Variants in SLC9A2 observed in about 807,000 individuals in gnomAD.
SLC9A2 encodes sodium/hydrogen exchanger 2.
In SLC9A2, 42 loss-of-function variants were observed where a neutral mutation model predicts 71.7. The observed-to-expected ratio is 0.59, with a 90% CI of 0.46 to 0.76. The LOEUF (loss-of-function observed/expected upper bound fraction) is 0.76. Among genes scored for constraint, SLC9A2 ranks in the 30% least tolerant of loss-of-function variants. SLC9A2 has a pLI of 0.00. For missense variants in SLC9A2, 829 were observed against 1,017.4 expected (o/e 0.81, Z 2.52); for synonymous variants, 396 against 392.5 (o/e 1.01, Z -0.10).
intron 1 of SLC9A2, among the ~76,000 whole-genome samples, chr2:102,652,929 G>A (rs1676861709): frequency 6.6e-6 from 1 of 152,154 alleles, no homozygotes; most frequent in South Asian, 2.1e-4. Flanking sequence ...AAATACTTGG[G>A]GGAGGAAAAG....
At chr2:102,695,225 A>C (rs1677733603) in intron 7 of SLC9A2, 112 bp downstream of exon 7, 7 of 726,020 alleles carry the variant, frequency 9.6e-6, no homozygotes, top group Non-Finnish European at 1.4e-5. Flanking sequence ...GTTGTACCAT[A>C]GTATGTCCTC....
intron 7 of SLC9A2, among the ~76,000 whole-genome samples, chr2:102,700,668 C>T (rs1423641738): frequency 2.6e-5 from 4 of 152,096 alleles, no homozygotes; most frequent in Non-Finnish European, 4.4e-5. Context: ...ACAGTGATAA[C>T]GTTTCTGAGC....
intron 1 of SLC9A2, among the ~76,000 whole-genome samples, chr2:102,623,096 C>T (rs1444375433): frequency 6.6e-6 from 1 of 152,124 alleles, no homozygotes; most frequent in East Asian, 1.9e-4. Flanking sequence ...TTCCTGGGCC[C>T]CCTCTGTTCT....
intron 3 of SLC9A2, among the ~76,000 whole-genome samples, chr2:102,680,284 A>G (rs1363808221): frequency 6.6e-6 from 1 of 152,138 alleles, no homozygotes; most frequent in Non-Finnish European, 1.5e-5. Context: ...TTCTTAATCT[A>G]ATCTATTGCC....
At chr2:102,680,287 C>A (rs893866338) in intron 3 of SLC9A2, among the ~76,000 whole-genome samples, 3 of 151,966 alleles carry the variant, frequency 2.0e-5, no homozygotes, top group Non-Finnish European at 4.4e-5. Context: ...TTAATCTAAT[C>A]TATTGCCCTT....
intron 1 of SLC9A2, among the ~76,000 whole-genome samples, chr2:102,628,616 C>T (rs1676298897): frequency 1.3e-5 from 2 of 151,962 alleles, no homozygotes; most frequent in Admixed American, 6.6e-5. Flanking sequence ...ACTCAGCTCT[C>T]GGTATTTTTA....
At chr2:102,671,841 C>T (rs1677258034) in intron 3 of SLC9A2, among the ~76,000 whole-genome samples, 1 of 152,176 alleles carries the variant, frequency 6.6e-6, no homozygotes, top group Admixed American at 6.5e-5. Context: ...TGTGGTGGCT[C>T]ACGCTTGCAA....
chr2:102,628,760 G>T (rs1319185528), intron 1 of SLC9A2, among the ~76,000 whole-genome samples: 1 of 151,940 alleles, frequency 6.6e-6, no homozygotes, highest in Non-Finnish European at 1.5e-5. Flanking sequence ...TGTTGCCTTG[G>T]CCGCTCTCAA....
At chr2:102,702,110 G>T (rs1440682935) in intron 8 of SLC9A2, among the ~76,000 whole-genome samples, 1 of 152,162 alleles carries the variant, frequency 6.6e-6, no homozygotes, top group Non-Finnish European at 1.5e-5. Context: ...TTTATTTATG[G>T]AGTGTTAGAA....
intron 1 of SLC9A2, among the ~76,000 whole-genome samples, chr2:102,631,481 C>T (rs758415141): frequency 1.2e-4 from 19 of 152,010 alleles, no homozygotes; most frequent in Non-Finnish European, 2.6e-4. Context: ...TTCACTGTGA[C>T]TTCAAATCCT....
intron 1 of SLC9A2, among the ~76,000 whole-genome samples, chr2:102,624,023 A>T (rs1316127542): frequency 1.3e-5 from 2 of 152,134 alleles, no homozygotes; most frequent in Non-Finnish European, 2.9e-5. Flanking sequence ...CTTAGCTCTT[A>T]ATTGTTACAC....
chr2:102,632,119 T>TACAC (rs1676378923), intron 1 of SLC9A2, among the ~76,000 whole-genome samples: 1 of 113,358 alleles, frequency 8.8e-6, no homozygotes, highest in Non-Finnish European at 1.8e-5. Context: ...TATGTATATA[T>TACAC]ACATATATAC....
intron 5 of SLC9A2, among the ~76,000 whole-genome samples, chr2:102,691,105 A>G (rs1056728284): frequency 6.6e-6 from 1 of 152,168 alleles, no homozygotes; most frequent in Non-Finnish European, 1.5e-5. Flanking sequence ...CAGAGATGGA[A>G]CAAGATGCAA....
chr2:102,656,376 T>C (rs1014924706), intron 1 of SLC9A2, among the ~76,000 whole-genome samples: 17 of 152,322 alleles, frequency 1.1e-4, no homozygotes, highest in Admixed American at 1.1e-3. Flanking sequence ...TTAATGCCTA[T>C]CTTTTAAGCC....
At chr2:102,690,536 T>C (rs1677639195) in intron 5 of SLC9A2, among the ~76,000 whole-genome samples, 1 of 151,966 alleles carries the variant, frequency 6.6e-6, no homozygotes, top group African/African-American at 2.4e-5. Flanking sequence ...TGGAGACTGA[T>C]GGTACAGGAG....
intron 11 of SLC9A2, among the ~76,000 whole-genome samples, chr2:102,706,850 A>G (rs1294569698): frequency 6.6e-6 from 1 of 152,224 alleles, no homozygotes; most frequent in Admixed American, 6.5e-5. Context: ...ATAACTATAA[A>G]GCTTTGTTAT....
At position 102,683,252 on chromosome 2, in the gene SLC9A2, C is replaced by T; in HGVS notation, c.1005-9C>T. 6 of 1,594,988 alleles carry T rather than the reference C, an allele frequency of 3.8e-6. No individual in the cohort carries two copies. The highest frequency in any genetic ancestry group is 5.2e-6 in the Non-Finnish European group (6 of 1,162,602). The stretch of plus-strand genomic sequence containing the variant: ...TAGGTTTCAATAGAAGCTGAATCTT[C>T]CCTTTCAGAATCACTGCTTGTGCAA... On this transcript the variant is annotated splice_polypyrimidine_tract_variant and intron_variant, in intron 3 of 11. Transcript: ENST00000233969.
chr2:102,684,734 T>C (rs971368595), intron 5 of SLC9A2, among the ~76,000 whole-genome samples: 3 of 152,212 alleles, frequency 2.0e-5, no homozygotes, highest in Non-Finnish European at 2.9e-5. Flanking sequence ...GAGGAATGGA[T>C]GAATGCACGT....
At chr2:102,661,032 C>A (rs1295449577) in intron 2 of SLC9A2, among the ~76,000 whole-genome samples, 1 of 152,094 alleles carries the variant, frequency 6.6e-6, no homozygotes, top group African/African-American at 2.4e-5. Flanking sequence ...AAAAGAAATG[C>A]AGATCAAACA....
Sources: allele counts gnomAD v4.1 joint callset (sites outside exome capture counted in the v4.1 genomes callset), GRCh38; gene constraint gnomAD v4.1.1; transcripts MANE v1.5; gene names NCBI Gene and HGNC (gene_info 2026-07-23, HGNC 2026-07-21).